Variants in HTR7 observed in about 807,000 individuals in gnomAD.
HTR7 encodes the protein 5-hydroxytryptamine receptor 7, also known as 5-HT-7.
Under a neutral mutation model 34.0 loss-of-function variants are expected in HTR7, and 16 were observed. The observed-to-expected ratio is 0.47, with a 90% CI of 0.32 to 0.71. HTR7 has a LOEUF of 0.71. Among genes scored for constraint, HTR7 ranks in the 30% least tolerant of loss-of-function variants. The probability of loss-of-function intolerance (pLI) is 0.04; values close to 1 mark genes in which losing one functional copy is unlikely to be tolerated. For missense variants in HTR7, 504 were observed against 625.5 expected (o/e 0.81, Z 2.07); for synonymous variants, 265 against 260.2 (o/e 1.02, Z -0.18).
At chr10:90,832,301 T>G (rs1017990206) in intron 1 of HTR7, among the ~76,000 whole-genome samples, 3 of 152,180 alleles carry the variant, frequency 2.0e-5, no homozygotes, top group Non-Finnish European at 2.9e-5. Flanking sequence ...CATGGTGGGA[T>G]GCAGGTCCCA....
chr10:90,769,587 TC>T (rs1453884677), intron 1 of HTR7, among the ~76,000 whole-genome samples: 1 of 152,220 alleles, frequency 6.6e-6, no homozygotes, highest in African/African-American at 2.4e-5. Context: ...TATATACTTA[TC>T]AAAATTATTT....
chr10:90,825,528 C>G (rs1054937129), intron 1 of HTR7, among the ~76,000 whole-genome samples: 3 of 152,140 alleles, frequency 2.0e-5, no homozygotes, highest in African/African-American at 7.2e-5. Flanking sequence ...AGGAGCCAAT[C>G]CCAGAGAGAT....
In HTR7 at chr10:90,749,731, A is replaced by G. The variant is rs181545563; in HGVS notation, c.540-137T>C. The G allele has an allele frequency of 2.4e-4, 177 of 741,738 alleles. No individual in the cohort carries two copies. The African/African-American group carries it at 2.9e-3, about 12-fold the overall frequency. 45.9% of individuals were successfully genotyped at this position (741,738 alleles called of 1,614,324 possible). A position where few individuals can be genotyped will look rare whatever the true frequency, so the allele number is the denominator to read the frequency against. On this transcript the variant is annotated intron_variant, in intron 1 of 3. Coordinates refer to ENST00000336152, the MANE Select transcript of HTR7 (RefSeq NM_019859.4). This position sits in a 1 kb window ranked among gnomAD's most constrained non-coding sequence, Gnocchi z 4.2. ...AGGCATCATTACTCCCATTTTGCAG[A>G]AAGGTAAACTAAGGCTCTGAGATGT...
In HTR7 at chr10:90,771,730, C is replaced by T. The variant is rs138701658; in HGVS notation, c.540-22136G>A. On this transcript the variant is annotated intron_variant, in intron 1 of 3. Transcript: ENST00000336152. The stretch of plus-strand genomic sequence containing the variant: ...ACACCCCTCACCACTCCACACCTGA[C>T]TCACAATCTCCCTTGAAGGTGTGGG... Among the ~76,000 whole-genome samples the T allele has an allele frequency of 4.1e-3, 627 of 152,332 alleles. 5 individuals are homozygous for T. Among genetic ancestry groups the T allele is most frequent in the Non-Finnish European group, 6.7e-3 (453 of 68,036 alleles).
chr10:90,778,283 G>A (rs897089617), intron 1 of HTR7, among the ~76,000 whole-genome samples: 7 of 152,168 alleles, frequency 4.6e-5, no homozygotes, highest in Non-Finnish European at 8.8e-5. Context: ...CTGATGAATG[G>A]ATTAATCCAT....
At chr10:90,783,019 G>A (rs1845331261) in intron 1 of HTR7, among the ~76,000 whole-genome samples, 2 of 152,166 alleles carry the variant, frequency 1.3e-5, no homozygotes, top group South Asian at 2.1e-4. Context: ...TGGTGACTAG[G>A]AGCTTACTGG....
At chr10:90,853,808 C>T (rs886492705) in intron 1 of HTR7, among the ~76,000 whole-genome samples, 1 of 152,178 alleles carries the variant, frequency 6.6e-6, no homozygotes, top group Non-Finnish European at 1.5e-5. Context: ...ATAGACCATT[C>T]TTGCTTCTTC....
chr10:90,771,064 T>C (rs531141896), intron 1 of HTR7, among the ~76,000 whole-genome samples: 10 of 152,272 alleles, frequency 6.6e-5, no homozygotes, highest in African/African-American at 2.2e-4. Flanking sequence ...CCCTCTCTGC[T>C]GAGAACTGAA....
intron 1 of HTR7, among the ~76,000 whole-genome samples, chr10:90,845,874 A>G (rs917257234): frequency 1.3e-5 from 2 of 152,356 alleles, no homozygotes; most frequent in African/African-American, 2.4e-5. Flanking sequence ...CTTCTGCCCA[A>G]GAATTTTGTT....
chr10:90,775,404 G>C (rs1307237215), intron 1 of HTR7, among the ~76,000 whole-genome samples: 3 of 152,182 alleles, frequency 2.0e-5, no homozygotes, highest in Non-Finnish European at 4.4e-5. Context: ...AGGTGAAAGA[G>C]GGAGCTGTGT....
chr10:90,750,632 A>G (rs1249083872), intron 1 of HTR7, among the ~76,000 whole-genome samples: 1 of 152,214 alleles, frequency 6.6e-6, no homozygotes, highest in Non-Finnish European at 1.5e-5. Flanking sequence ...TTGAAACATA[A>G]AAAGGAAAGA....
chr10:90,785,430 G>A (rs886206978), intron 1 of HTR7, among the ~76,000 whole-genome samples: 1 of 151,868 alleles, frequency 6.6e-6, no homozygotes, highest in African/African-American at 2.4e-5. Context: ...CGGTGAAAGC[G>A]AAGTAGAGTC....
intron 1 of HTR7, among the ~76,000 whole-genome samples, chr10:90,843,138 TC>T (rs1846355914): frequency 1.3e-5 from 2 of 152,038 alleles, no homozygotes; most frequent in South Asian, 2.1e-4. Context: ...TCCTTTTTTT[TC>T]CTTCCTTCCT....
chr10:90,813,912 C>T (rs1274951057), intron 1 of HTR7, among the ~76,000 whole-genome samples: 1 of 152,188 alleles, frequency 6.6e-6, no homozygotes, highest in African/African-American at 2.4e-5. Context: ...TCTATGGGCC[C>T]TATGTAAATC....
intron 1 of HTR7, among the ~76,000 whole-genome samples, chr10:90,814,855 A>T (rs1208101350): frequency 6.6e-6 from 1 of 152,200 alleles, no homozygotes; most frequent in African/African-American, 2.4e-5. Context: ...AAATTTTTTT[A>T]AAAAGTCAAA....
rs564610406 is a variant in HTR7, at chr10:90,756,357, T to G, written c.540-6763A>C. 6.6e-5 allele frequency among the ~76,000 whole-genome samples: 10 copies of G among 152,318 alleles called. No homozygotes were observed. In the East Asian group the frequency reaches 1.7e-3, roughly 26 times the overall value. On this transcript the variant is annotated intron_variant, in intron 1 of 3. Transcript: ENST00000336152. ...TGTTCCGGATGTATGTAAATCAGGT[T>G]TTTTTAAATACTAAAAGTAAATTTT...
intron 1 of HTR7, among the ~76,000 whole-genome samples, chr10:90,782,135 C>T (rs1433809481): frequency 1.3e-5 from 2 of 152,106 alleles, no homozygotes; most frequent in Admixed American, 6.6e-5. Context: ...TTCATGGCAC[C>T]TCCAATTCCA....
intron 1 of HTR7, among the ~76,000 whole-genome samples, chr10:90,823,482 T>C (rs1438338889): frequency 6.6e-6 from 1 of 152,228 alleles, no homozygotes; most frequent in Non-Finnish European, 1.5e-5. Context: ...CACAGTATCT[T>C]AGAAGTAACT....
At chr10:90,810,227 C>A (rs914077104) in intron 1 of HTR7, among the ~76,000 whole-genome samples, 11 of 152,178 alleles carry the variant, frequency 7.2e-5, no homozygotes, top group Admixed American at 7.2e-4. Context: ...CCTGACTATT[C>A]CTGGGCTACA....
Sources: allele counts gnomAD v4.1 joint callset (sites outside exome capture counted in the v4.1 genomes callset), GRCh38; gene constraint gnomAD v4.1.1; non-coding constraint Gnocchi (gnomAD v3.1); transcripts MANE v1.5; gene names NCBI Gene and HGNC (gene_info 2026-07-23, HGNC 2026-07-21).